The following CACNB2 variants were observed in gnomAD, a reference collection of about 807,000 sequenced individuals.
The protein encoded by CACNB2 is voltage-dependent L-type calcium channel subunit beta-2.
In CACNB2, 42 loss-of-function variants were observed where a neutral mutation model predicts 73.3. The ratio of observed to expected loss-of-function variants is 0.57; its 90% CI spans 0.45 to 0.74. CACNB2 has a LOEUF of 0.74. CACNB2 is among the 30% of genes least tolerant of loss of function. The pLI is 0.00. For missense variants in CACNB2, 940 were observed against 853.0 expected (o/e 1.10, Z -1.27); for synonymous variants, 348 against 310.3 (o/e 1.12, Z -1.28).
At chr10:18,242,430 G>A (rs947531752) in intron 2 of CACNB2, among the ~76,000 whole-genome samples, 1 of 152,144 alleles carries the variant, frequency 6.6e-6, no homozygotes, top group East Asian at 1.9e-4. Context: ...TGAAAAGGTT[G>A]AAAGGTCTTT....
At chr10:18,156,216 G>T (rs2032034317) in intron 2 of CACNB2, among the ~76,000 whole-genome samples, 1 of 152,142 alleles carries the variant, frequency 6.6e-6, no homozygotes, top group Admixed American at 6.5e-5. Context: ...AAGAATCACT[G>T]GTCTTAAGGA....
At chr10:18,343,031 A>G (rs2041296510) in intron 2 of CACNB2, among the ~76,000 whole-genome samples, 1 of 152,182 alleles carries the variant, frequency 6.6e-6, no homozygotes. Flanking sequence ...GAAATTACCC[A>G]TTTAATTCTC....
chr10:18,510,516 T>A (rs1478769186), intron 6 of CACNB2, among the ~76,000 whole-genome samples: 1 of 152,192 alleles, frequency 6.6e-6, no homozygotes, highest in African/African-American at 2.4e-5. Context: ...TTGGCCAGGT[T>A]GGCCTCGAAT....
At chr10:18,462,313 G>A (rs1998821) in intron 3 of CACNB2, among the ~76,000 whole-genome samples, 15,403 of 152,002 alleles carry the variant, frequency 0.1, 920 homozygotes, top group Admixed American at 0.17. Flanking sequence ...GAGTGCAGTG[G>A]TACAATCCGC....
chr10:18,242,020 T>C (rs956190992), intron 2 of CACNB2, among the ~76,000 whole-genome samples: 1 of 152,020 alleles, frequency 6.6e-6, no homozygotes, highest in African/African-American at 2.4e-5. Context: ...AATATTCAAA[T>C]TCTAGTACAT....
At chr10:18,232,468 A>C (rs1387741170) in intron 2 of CACNB2, among the ~76,000 whole-genome samples, 2 of 152,184 alleles carry the variant, frequency 1.3e-5, no homozygotes, top group Non-Finnish European at 2.9e-5. Context: ...AGGTATAGGA[A>C]AGGAATAATT....
At chr10:18,398,265 C>G (rs939292984) in intron 2 of CACNB2, among the ~76,000 whole-genome samples, 2 of 152,214 alleles carry the variant, frequency 1.3e-5, no homozygotes, top group African/African-American at 4.8e-5. Flanking sequence ...GCTTCAGATA[C>G]TGAAACATGC....
chr10:18,417,360 CTTTT>C (rs34847923), intron 3 of CACNB2, among the ~76,000 whole-genome samples: 901 of 87,008 alleles, frequency 0.01, 2 homozygotes, highest in Non-Finnish European at 0.013. Context: ...GCTAAAAATT[CTTTT>C]TTTTTTTTTT....
chr10:18,140,824 G>A lies in CACNB2; in HGVS notation c.88G>A (p.Ala30Thr). 10 of 1,604,150 alleles carry A rather than the reference G, an allele frequency of 6.2e-6. No homozygotes were observed. Among genetic ancestry groups the A allele is most frequent in the Non-Finnish European group, 8.5e-6 (10 of 1,176,852 alleles). ...CCAGATGGAACTGCTAGAGAACGTG[G>A]CTCCCGCGGGGGCGCTCGGAGCCGC... ...EIQMELLENVAPAGALGAAAQ... is the reference protein window; with the variant it reads ...EIQMELLENVTPAGALGAAAQ... The change falls in exon 1 of 14, where the codon GCT (alanine) becomes ACT (threonine). Residue 30 changes from alanine (A) to threonine (T), a missense_variant. By Grantham distance (58) the Ala-to-Thr change is moderately conservative. Coordinates refer to ENST00000324631, the MANE Select transcript of CACNB2 (RefSeq NM_201596.3).
intron 10 of CACNB2, among the ~76,000 whole-genome samples, chr10:18,530,658 T>C (rs553479833): frequency 2.0e-5 from 3 of 152,278 alleles, no homozygotes; most frequent in Admixed American, 2.0e-4. Flanking sequence ...AAAGTTCGGT[T>C]CCCACTGTAC....
intron 2 of CACNB2, among the ~76,000 whole-genome samples, chr10:18,267,871 C>T (rs544831529): frequency 1.3e-5 from 2 of 152,302 alleles, no homozygotes; most frequent in East Asian, 3.9e-4. Flanking sequence ...GGGGCAGCGG[C>T]CCAGCCTTTG....
chr10:18,429,646 G>A (rs1446326702), intron 3 of CACNB2, among the ~76,000 whole-genome samples: 3 of 140,958 alleles, frequency 2.1e-5, no homozygotes, highest in Non-Finnish European at 3.0e-5. Flanking sequence ...GGGCAACATA[G>A]CAAGACTCCG....
chr10:18,167,918 T>C (rs968711505), intron 2 of CACNB2, among the ~76,000 whole-genome samples: 4 of 152,116 alleles, frequency 2.6e-5, no homozygotes, highest in Non-Finnish European at 4.4e-5. Flanking sequence ...TCTCAGTAAG[T>C]TCCCCGAGGT....
intron 3 of CACNB2, among the ~76,000 whole-genome samples, chr10:18,495,777 A>G (rs529775536): frequency 3.9e-5 from 6 of 152,120 alleles, no homozygotes; most frequent in African/African-American, 9.6e-5. Context: ...ATGAAATGCA[A>G]TATGTTATGA....
intron 3 of CACNB2, among the ~76,000 whole-genome samples, chr10:18,484,372 T>G (rs2048949617): frequency 6.7e-6 from 1 of 150,226 alleles, no homozygotes. Flanking sequence ...CCAGCCTGGG[T>G]GACAGAGCCA....
At chr10:18,493,158 C>T (rs575959037) in intron 3 of CACNB2, among the ~76,000 whole-genome samples, 2 of 152,116 alleles carry the variant, frequency 1.3e-5, no homozygotes, top group Non-Finnish European at 2.9e-5. Context: ...CAGTTATGCG[C>T]AAATAGTACG....
chr10:18,516,714 C>T (rs2051317036), intron 7 of CACNB2, among the ~76,000 whole-genome samples: 1 of 152,138 alleles, frequency 6.6e-6, no homozygotes, highest in Non-Finnish European at 1.5e-5. Flanking sequence ...AACAAAACAA[C>T]AGCCTGAGAT....
chr10:18,292,119 T>C (rs1002767619), intron 2 of CACNB2, among the ~76,000 whole-genome samples: 7 of 152,214 alleles, frequency 4.6e-5, no homozygotes, highest in African/African-American at 1.4e-4. Flanking sequence ...CTGTTTGTGT[T>C]GAGTAAAGAT....
chr10:18,443,949 G>C (rs537953843), intron 3 of CACNB2, among the ~76,000 whole-genome samples: 4 of 151,976 alleles, frequency 2.6e-5, no homozygotes, highest in Non-Finnish European at 4.4e-5. Flanking sequence ...GCCTAACCTC[G>C]AGCAATCCGC....
Sources: allele counts gnomAD v4.1 joint callset (sites outside exome capture counted in the v4.1 genomes callset), GRCh38; gene constraint gnomAD v4.1.1; transcripts MANE v1.5; gene names NCBI Gene and HGNC (gene_info 2026-07-23, HGNC 2026-07-21).